PHF8: variants seen among roughly 807,000 people sequenced by gnomAD.
PHF8 encodes histone lysine demethylase PHF8.
A neutral mutation model predicts 74.4 loss-of-function variants in PHF8; 9 were observed. The observed-to-expected ratio is 0.12, with a 90% CI of 0.07 to 0.21. The LOEUF (loss-of-function observed/expected upper bound fraction) is 0.21, where lower values mean the gene tolerates loss of function less well. Among genes scored for constraint, PHF8 ranks in the 10% least tolerant of loss-of-function variants. The pLI is 1.00. For missense variants in PHF8, 478 were observed against 816.6 expected (o/e 0.59, Z 5.05); for synonymous variants, 311 against 316.6 (o/e 0.98, Z 0.19).
At position 53,940,184 on chromosome X, in the gene PHF8, T is replaced by C; in HGVS notation, c.2982A>G (p.Gly994=). Residue 994 remains glycine (G), a synonymous_variant, in exon 21 of 22, where the codon GGA becomes GGG. Transcript: ENST00000338154. ...PSVGSQSNQA[G]QGKRPKKGLA... ...ACAACCATATGGCCGTTGTACCTTG[T>C]CCTGCCTGATTGCTCTGGGAGCCAA... 8.5e-7 allele frequency: 1 copy of C among 1,172,614 alleles called. No homozygotes were observed. Among genetic ancestry groups the C allele is most frequent in the Non-Finnish European group, 1.1e-6 (1 of 872,984 alleles).
chrX:54,023,795 T>C (rs1050733904), intron 2 of PHF8, among the ~76,000 whole-genome samples: 1 of 100,129 alleles, frequency 1.0e-5, no homozygotes, highest in Non-Finnish European at 2.0e-5. Flanking sequence ...GGGCCATGAT[T>C]GTGCTACCGC....
At chrX:53,960,996 GAAAAT>G (rs1470574442) in intron 19 of PHF8, among the ~76,000 whole-genome samples, 1 of 108,843 alleles carries the variant, frequency 9.2e-6, no homozygotes, top group East Asian at 2.9e-4. Flanking sequence ...AATGATAGAA[GAAAAT>G]AAAATTTAAA....
intron 7 of PHF8, among the ~76,000 whole-genome samples, chrX:54,012,175 T>C (rs2065993568): frequency 9.0e-6 from 1 of 111,235 alleles, no homozygotes; most frequent in Non-Finnish European, 1.9e-5. Flanking sequence ...AGAAATATTA[T>C]GTCTTTACGC....
At chrX:53,940,116 C>A in intron 21 of PHF8, 64 bp downstream of exon 21, 1 of 893,832 alleles carries the variant, frequency 1.1e-6, no homozygotes, top group Admixed American at 2.6e-5. Context: ...TCTACTAGAG[C>A]ACTTAGGATT....
intron 10 of PHF8, among the ~76,000 whole-genome samples, chrX:54,001,150 A>T (rs2065820971): frequency 9.0e-6 from 1 of 110,767 alleles, no homozygotes; most frequent in South Asian, 3.8e-4. Flanking sequence ...ACATGGTGAA[A>T]CCCCGTCTCT....
At chrX:53,965,182 C>T (rs781949169) in intron 18 of PHF8, among the ~76,000 whole-genome samples, 6 of 111,542 alleles carry the variant, frequency 5.4e-5, no homozygotes, top group African/African-American at 1.6e-4. Context: ...CACACACGCA[C>T]GCACACACAC....
chrX:53,989,289 C>T (rs1557100683), intron 14 of PHF8, among the ~76,000 whole-genome samples: 1 of 110,899 alleles, frequency 9.0e-6, no homozygotes, highest in African/African-American at 3.3e-5. Context: ...AAAACACATA[C>T]AATGAGTTAC....
rs781786649 is a variant in PHF8 at position 54,022,786 on chromosome X, G to A, written c.156C>T (p.Asn52=). Residue 52 remains asparagine, a synonymous_variant, in exon 3 of 22, where the codon AAC becomes AAT. Transcript: ENST00000338154. ...AADIDLYHCP[N]CEVLHGPSIM... ...TGGAGGGCCCATGCAAGACTTCACAGTTGGGGCAGTGGTAGAGGTCAATGT... is the reference window on the plus strand; with the variant it reads ...TGGAGGGCCCATGCAAGACTTCACAATTGGGGCAGTGGTAGAGGTCAATGT... 8.4e-7 allele frequency: 1 copy of A among 1,195,555 alleles called. No homozygotes were observed. The highest frequency in any genetic ancestry group is 1.8e-5 in the South Asian group (1 of 56,479).
chrX:53,991,586 G>A (rs960095582), intron 14 of PHF8, among the ~76,000 whole-genome samples: 3 of 104,312 alleles, frequency 2.9e-5, no homozygotes, highest in East Asian at 6.0e-4. Flanking sequence ...CACTTGAACC[G>A]AGCAGGGCAG....
intron 13 of PHF8, 200 bp from the exon 14 acceptor site, chrX:53,993,039 T>C (rs2065691838): frequency 4.6e-6 from 2 of 434,437 alleles, no homozygotes; most frequent in Non-Finnish European, 8.2e-6. Flanking sequence ...GGGACACCTG[T>C]CAATCTTGTG....
intron 18 of PHF8, among the ~76,000 whole-genome samples, chrX:53,969,864 C>T (rs1203769502): frequency 8.9e-6 from 1 of 112,024 alleles, no homozygotes; most frequent in African/African-American, 3.2e-5. Flanking sequence ...CAAGAACATT[C>T]ACTGGGGAAA....
Position 54,014,368 on chromosome X carries a change from C to T in PHF8, c.783+9G>A, listed in dbSNP as rs1557107434. On this transcript the variant is annotated intron_variant, in intron 7 of 21. Coordinates refer to ENST00000338154, the MANE Select transcript of PHF8 (RefSeq NM_015107.3). The stretch of plus-strand genomic sequence containing the variant: ...CCTGGCTGCCTCCAGAAGCCATGCG[C>T]ATTCCTACCTTGAGTACATGGTACC... The T allele has an allele frequency of 8.4e-7, 1 of 1,196,870 alleles. No individual in the cohort carries two copies. The highest frequency in any genetic ancestry group is 1.1e-6 in the Non-Finnish European group (1 of 881,907).
chrX:54,007,909 C>A (rs1333347715), intron 8 of PHF8, among the ~76,000 whole-genome samples: 1 of 111,556 alleles, frequency 9.0e-6, no homozygotes, highest in East Asian at 2.8e-4. Context: ...AGATATATAC[C>A]CAAGAGAAAT....
At chrX:53,997,309 G>T (rs2065764050) in intron 11 of PHF8, among the ~76,000 whole-genome samples, 2 of 111,708 alleles carry the variant, frequency 1.8e-5, no homozygotes, top group Admixed American at 1.9e-4. Context: ...AGATCTCAAG[G>T]TTTTCTTCCT....
At chrX:54,004,981 T>G (rs907371010) in intron 8 of PHF8, among the ~76,000 whole-genome samples, 3 of 106,000 alleles carry the variant, frequency 2.8e-5, no homozygotes. Context: ...AACAGAAGAA[T>G]GGAGACAACA....
Position 54,043,168 on chromosome X carries a change from CCT to C in PHF8, c.-92-350_-92-349del, listed in dbSNP as rs781911983. On this transcript the variant is annotated intron_variant, in intron 1 of 21. Coordinates refer to ENST00000338154, the MANE Select transcript of PHF8 (RefSeq NM_015107.3). ...TCACTGAACCCTCCCCTAGCTGACC[CCT>C]GTTTCACAGGGCTCCCTCTATTATG... 38 of 780,839 alleles carry C rather than the reference CCT, an allele frequency of 4.9e-5. No homozygotes were observed. The Admixed American group carries it at 6.8e-4, about 14-fold the overall frequency. 64.3% of individuals were successfully genotyped at this position (780,839 alleles called of 1,213,427 possible).
At chrX:54,044,554 A>C (rs1243023834), upstream of PHF8, 5 of 305,809 alleles carry the variant, frequency 1.6e-5, no homozygotes, top group East Asian at 2.2e-4. Flanking sequence ...CACCTTGAGA[A>C]AGGAGGGCGG....
chrX:53,970,563 TAG>T (rs1300871671), intron 18 of PHF8, among the ~76,000 whole-genome samples: 1 of 111,448 alleles, frequency 9.0e-6, no homozygotes, highest in Admixed American at 9.6e-5. Context: ...GCAAGCTGGA[TAG>T]AGTCAAGACC....
rs1252597201 is a variant in PHF8 at position 54,020,138 on chromosome X, A to G, written c.293+2121T>C. 3.6e-5 allele frequency among the ~76,000 whole-genome samples: 4 copies of G among 112,251 alleles called. No individual in the cohort carries two copies. In the South Asian group the frequency reaches 1.5e-3, roughly 41 times the overall value. ...GAGGCGGAGGTTGCAGTGAGCCGAG[A>G]TCACGCCATTGCACTCCAGCCTGGG... On this transcript the variant is annotated intron_variant, in intron 4 of 21. Transcript: ENST00000338154.
Sources: allele counts gnomAD v4.1 joint callset (sites outside exome capture counted in the v4.1 genomes callset), GRCh38; gene constraint gnomAD v4.1.1; transcripts MANE v1.5; gene names NCBI Gene and HGNC (gene_info 2026-07-23, HGNC 2026-07-21).